Variants in PCDHGA2 observed in about 807,000 individuals in gnomAD.
PCDHGA2 encodes the protein protocadherin gamma subfamily A, 2, also known as protocadherin gamma-A2.
PCDHGA2 carries 40 observed loss-of-function variants against 59.2 expected under a neutral mutation model. That is an observed-to-expected ratio of 0.68 (90% CI 0.52 to 0.88). The LOEUF (loss-of-function observed/expected upper bound fraction) is 0.88, where lower values mean the gene tolerates loss of function less well. Among genes scored for constraint, PCDHGA2 ranks in the 40% least tolerant of loss-of-function variants. PCDHGA2 has a pLI of 0.00. For synonymous variants in PCDHGA2, 560 were observed against 526.0 expected (o/e 1.06, Z -0.89); for missense variants, 1,226 against 1,204.0 (o/e 1.02, Z -0.27).
rs756604175 is a variant in PCDHGA2 at position 141,375,747 on chromosome 5, A to C, written c.2424+34352A>C. 30 of 1,614,128 alleles carry C rather than the reference A, an allele frequency of 1.9e-5. No homozygotes were observed. The Admixed American group carries it at 5.0e-4, about 27-fold the overall frequency. ...TCACTGAGCCTGTTTGTGCTGGACC[A>C]GAATGACAATGCGCCCGAGATCCTG... is the stretch of plus-strand genomic sequence containing the variant. On this transcript the variant is annotated intron_variant, in intron 1 of 3. Transcript: ENST00000394576.
At chr5:141,463,265 A>G (rs2099055701) in intron 1 of PCDHGA2, among the ~76,000 whole-genome samples, 1 of 151,998 alleles carries the variant, frequency 6.6e-6, no homozygotes, top group African/African-American at 2.4e-5. Flanking sequence ...ACTCTATCCC[A>G]TAAATTCTGG....
intron 2 of PCDHGA2, among the ~76,000 whole-genome samples, chr5:141,499,686 T>G (rs1400567357): frequency 1.3e-5 from 2 of 149,346 alleles, no homozygotes; most frequent in Non-Finnish European, 3.0e-5. Flanking sequence ...CTTTAACAGA[T>G]GACTTTTTTT....
At chr5:141,384,599 T>A (rs772846090) in intron 1 of PCDHGA2, 4 of 1,614,132 alleles carry the variant, frequency 2.5e-6, no homozygotes, top group Non-Finnish European at 2.5e-6. Flanking sequence ...TACCCGGCCC[T>A]CCCCACAGAT....
At chr5:141,404,211 T>G in intron 1 of PCDHGA2, 1 of 1,613,724 alleles carries the variant, frequency 6.2e-7, no homozygotes, top group East Asian at 2.2e-5. Context: ...GAATATAATA[T>G]CACGGTGACT....
intron 1 of PCDHGA2, among the ~76,000 whole-genome samples, chr5:141,401,626 C>T (rs1476531463): frequency 6.6e-6 from 1 of 152,174 alleles, no homozygotes; most frequent in Non-Finnish European, 1.5e-5. Flanking sequence ...TTTGTCTTAT[C>T]GTTTGGAGCT....
chr5:141,443,223 A>G (rs2098374731), intron 1 of PCDHGA2, among the ~76,000 whole-genome samples: 1 of 152,044 alleles, frequency 6.6e-6, no homozygotes, highest in African/African-American at 2.4e-5. Flanking sequence ...AGGCGCATCT[A>G]TAATCTTAGC....
intron 1 of PCDHGA2, among the ~76,000 whole-genome samples, chr5:141,457,694 C>G (rs891323419): frequency 6.6e-6 from 1 of 152,214 alleles, no homozygotes; most frequent in Non-Finnish European, 1.5e-5. Flanking sequence ...TTTGGATTGG[C>G]TTTGATGAAA....
chr5:141,498,531 G>A (rs1384404653), intron 2 of PCDHGA2, among the ~76,000 whole-genome samples: 3 of 148,544 alleles, frequency 2.0e-5, no homozygotes, highest in Non-Finnish European at 4.4e-5. Context: ...CTGCCCTCCA[G>A]CCTGGTCTGG....
chr5:141,509,255 T>A (rs1434555633), intron 3 of PCDHGA2, among the ~76,000 whole-genome samples: 1 of 152,158 alleles, frequency 6.6e-6, no homozygotes, highest in African/African-American at 2.4e-5. Flanking sequence ...CCTCTCCGGC[T>A]TTAGTCACTC....
intron 1 of PCDHGA2, chr5:141,398,744 G>A: frequency 1.9e-6 from 3 of 1,613,854 alleles, no homozygotes; most frequent in Non-Finnish European, 2.5e-6. Context: ...GAACAACAGA[G>A]TTACCATCGT....
intron 1 of PCDHGA2, chr5:141,433,069 C>T (rs561950316): frequency 2.5e-6 from 4 of 1,614,080 alleles, no homozygotes; most frequent in African/African-American, 1.3e-5. Context: ...ACCTGATCTT[C>T]CCCCAGCCCA....
intron 1 of PCDHGA2, among the ~76,000 whole-genome samples, chr5:141,474,990 A>G (rs1245269630): frequency 6.6e-6 from 1 of 152,222 alleles, no homozygotes; most frequent in African/African-American, 2.4e-5. Context: ...GGTGACAACA[A>G]TTCTAAATGC....
chr5:141,408,773 T>C, intron 1 of PCDHGA2: 1 of 1,611,652 alleles, frequency 6.2e-7, no homozygotes, highest in Non-Finnish European at 8.5e-7. Flanking sequence ...TGGTGGCAAA[T>C]ACCCAGAGTT....
chr5:141,370,889 T>C, intron 1 of PCDHGA2: 4 of 1,614,040 alleles, frequency 2.5e-6, no homozygotes, highest in Non-Finnish European at 3.4e-6. Context: ...TAGGTGTCAA[T>C]TCGCTGCAGC....
chr5:141,410,086 G>C (rs759204005), intron 1 of PCDHGA2: 1 of 1,612,588 alleles, frequency 6.2e-7, no homozygotes, highest in Non-Finnish European at 8.5e-7. Flanking sequence ...AGGTGCGCAC[G>C]GCTCGAGCCT....
chr5:141,388,637 T>G (rs993746447), intron 1 of PCDHGA2: 1 of 1,613,762 alleles, frequency 6.2e-7, no homozygotes, highest in Non-Finnish European at 8.5e-7. Context: ...GGGTGAGCCT[T>G]TCAGAAAACG....
intron 1 of PCDHGA2, chr5:141,394,183 A>G: frequency 1.2e-6 from 2 of 1,613,702 alleles, no homozygotes; most frequent in Non-Finnish European, 1.7e-6. Context: ...CATGCCTCCT[A>G]CTCAGCGTAT....
rs776219135 is a variant in PCDHGA2, at chr5:141,403,980, A to G, written c.2424+62585A>G. ...ATTTCGGTGGAAGATGTAAATGACA[A>G]TAGACCTGAAGTGACCATTACATCT... On this transcript the variant is annotated intron_variant, in intron 1 of 3. Coordinates refer to ENST00000394576, the MANE Select transcript of PCDHGA2 (RefSeq NM_018915.4). The G allele has an allele frequency of 5.0e-6, 8 of 1,613,890 alleles. No homozygotes were observed. In the South Asian group the frequency reaches 8.8e-5, roughly 18 times the overall value.
In PCDHGA2 at chr5:141,422,662, G is replaced by A. The variant is rs771844166; in HGVS notation, c.2425-72145G>A. On this transcript the variant is annotated intron_variant, in intron 1 of 3. Transcript: ENST00000394576. Reference sequence around the variant, plus strand: ...CTCCATCTTCTCAGTGACCGCCCTCGACCCGGACAGCAAACAGAATGCCCT... The same window carrying A: ...CTCCATCTTCTCAGTGACCGCCCTCAACCCGGACAGCAAACAGAATGCCCT... 4 of 1,608,410 alleles carry A rather than the reference G, an allele frequency of 2.5e-6. No individual in the cohort carries two copies. In the South Asian group the frequency reaches 3.3e-5, roughly 13 times the overall value.
Sources: allele counts gnomAD v4.1 joint callset (sites outside exome capture counted in the v4.1 genomes callset), GRCh38; gene constraint gnomAD v4.1.1; transcripts MANE v1.5; gene names NCBI Gene and HGNC (gene_info 2026-07-23, HGNC 2026-07-21).